Variants in SEMA3D observed in about 807,000 individuals in gnomAD.
The protein encoded by SEMA3D is semaphorin-3D.
In SEMA3D, 84 loss-of-function variants were observed where a neutral mutation model predicts 100.1. The ratio of observed to expected loss-of-function variants is 0.84; its 90% CI spans 0.70 to 1.01. The LOEUF (loss-of-function observed/expected upper bound fraction) is 1.01. Among genes scored for constraint, SEMA3D ranks in the 50% least tolerant of loss-of-function variants. SEMA3D has a pLI of 0.00. For missense variants in SEMA3D, 875 were observed against 934.1 expected (o/e 0.94, Z 0.82); for synonymous variants, 312 against 320.7 (o/e 0.97, Z 0.29).
intron 12 of SEMA3D, among the ~76,000 whole-genome samples, chr7:85,023,554 G>T (rs563035534): frequency 6.6e-6 from 1 of 151,968 alleles, no homozygotes; most frequent in South Asian, 2.1e-4. Flanking sequence ...AGAATAAAAT[G>T]ATTGACAGTA....
chr7:85,025,274 C>A (rs1790362089), intron 12 of SEMA3D, among the ~76,000 whole-genome samples: 1 of 151,936 alleles, frequency 6.6e-6, no homozygotes, highest in Non-Finnish European at 1.5e-5. Flanking sequence ...AGACAGTATT[C>A]TTCTCTTGTG....
intron 6 of SEMA3D, among the ~76,000 whole-genome samples, chr7:85,071,312 G>C (rs1001002273): frequency 3.9e-5 from 6 of 152,108 alleles, no homozygotes; most frequent in African/African-American, 1.4e-4. Context: ...AAATTTAACT[G>C]TCAGGGTTGC....
the SEMA3D span, among the ~76,000 whole-genome samples, chr7:85,233,353 T>TG: frequency 7.2e-5 from 11 of 152,196 alleles, no homozygotes; most frequent in Non-Finnish European, 1.6e-4. Flanking sequence ...CAAATGAAAC[T>TG]GGTTTCCAGT....
intron 1 of SEMA3D, among the ~76,000 whole-genome samples, chr7:85,160,897 A>G (rs550059270): frequency 5.3e-5 from 8 of 152,270 alleles, no homozygotes; most frequent in African/African-American, 1.9e-4. Context: ...CTAGGAGAAG[A>G]GGTTTATGAA....
At chr7:85,040,145 T>C (rs920403033) in intron 11 of SEMA3D, among the ~76,000 whole-genome samples, 1 of 151,796 alleles carries the variant, frequency 6.6e-6, no homozygotes, top group Admixed American at 6.6e-5. Flanking sequence ...CCCAGCTATT[T>C]TTTTATTTAC....
chr7:85,249,113 C>G, the SEMA3D span, among the ~76,000 whole-genome samples: 1 of 152,166 alleles, frequency 6.6e-6, no homozygotes, highest in Non-Finnish European at 1.5e-5. Flanking sequence ...TTCCTCTCAA[C>G]TTTGCTGTTA....
At position 85,068,213 on chromosome 7, in the gene SEMA3D, C is replaced by T. The variant is rs760626544; in HGVS notation, c.567G>A (p.Gln189=). ...GRLKCPFDPQ[Q]PFASVMTDEY... ...TACCTGTCATTACTGAAGCAAAAGG[C>T]TGCTGAGGATCGAAAGGACATTTCA... Residue 189 remains glutamine, a synonymous_variant, in exon 7 of 19, where the codon CAG becomes CAA. Transcript: ENST00000284136. The T allele has an allele frequency of 4.4e-6, 7 of 1,603,956 alleles. 1 individual carries two copies. In the South Asian group the frequency reaches 7.7e-5, roughly 18 times the overall value.
Position 84,996,822 on chromosome 7 carries a change from C to CAT in SEMA3D, c.*2616_*2617dup, listed in dbSNP as rs1789513925. 6.6e-6 allele frequency: 1 copy of CAT among 151,846 alleles called. No homozygotes were observed. The highest frequency in any genetic ancestry group is 6.6e-5 in the Admixed American group (1 of 15,254). 9.4% of individuals were successfully genotyped at this position (151,846 alleles called of 1,614,324 possible). On this transcript the variant is annotated 3_prime_UTR_variant, in exon 19 of 19. Transcript: ENST00000284136. ...AACCATTAACTATACTTTTCTTTTT[C>CAT]ATTATTTTAAGGCAAATTTGATAAA... is the stretch of plus-strand genomic sequence containing the variant.
the SEMA3D span, among the ~76,000 whole-genome samples, chr7:85,214,421 C>T: frequency 2.0e-5 from 3 of 152,112 alleles, no homozygotes; most frequent in East Asian, 1.9e-4. Context: ...ACATACGACA[C>T]CCAGAGAGAA....
the SEMA3D span, among the ~76,000 whole-genome samples, chr7:85,246,050 T>C: frequency 1.5e-3 from 229 of 152,244 alleles, no homozygotes; most frequent in African/African-American, 5.3e-3. Flanking sequence ...TGTTAATGAA[T>C]ATATTTATTA....
chr7:85,020,924 T>TACAACTTAATAC (rs1345042839), intron 13 of SEMA3D, among the ~76,000 whole-genome samples: 1 of 151,510 alleles, frequency 6.6e-6, no homozygotes, highest in African/African-American at 2.4e-5. Context: ...ACAAGGTTGA[T>TACAACTTAATAC]AATGCAAACC....
At chr7:85,127,790 C>G (rs964099493) in intron 2 of SEMA3D, among the ~76,000 whole-genome samples, 1 of 152,144 alleles carries the variant, frequency 6.6e-6, no homozygotes, top group Non-Finnish European at 1.5e-5. Flanking sequence ...GACCTTTCTT[C>G]AAATCAGATT....
chr7:85,223,557 T>C, the SEMA3D span, among the ~76,000 whole-genome samples: 72 of 152,118 alleles, frequency 4.7e-4, no homozygotes, highest in African/African-American at 1.5e-3. Context: ...TGTGTGTGTG[T>C]GTATACACCA....
At chr7:85,096,106 T>A (rs1005583259) in intron 4 of SEMA3D, among the ~76,000 whole-genome samples, 2 of 151,846 alleles carry the variant, frequency 1.3e-5, no homozygotes, top group African/African-American at 4.8e-5. Context: ...CCTTTTAAGC[T>A]ATGCAGCATC....
chr7:85,012,220 T>A (rs1562782158), intron 17 of SEMA3D, among the ~76,000 whole-genome samples: 1 of 151,802 alleles, frequency 6.6e-6, no homozygotes, highest in Non-Finnish European at 1.5e-5. Context: ...TTATGCCTTA[T>A]GACACTTCCC....
chr7:85,037,212 A>G (rs959769560), intron 11 of SEMA3D, among the ~76,000 whole-genome samples, 179 bp from the exon 12 acceptor site: 1 of 152,210 alleles, frequency 6.6e-6, no homozygotes, highest in African/African-American at 2.4e-5. Flanking sequence ...AATTCTAAAT[A>G]AAGTGTAATA....
At chr7:85,012,418 T>C (rs1789980380) in intron 17 of SEMA3D, among the ~76,000 whole-genome samples, 1 of 151,822 alleles carries the variant, frequency 6.6e-6, no homozygotes, top group African/African-American at 2.4e-5. Flanking sequence ...TTACCAGACT[T>C]CTGGGAGGTC....
intron 1 of SEMA3D, among the ~76,000 whole-genome samples, chr7:85,173,613 C>T (rs758222687): frequency 9.9e-5 from 15 of 152,036 alleles, no homozygotes; most frequent in Non-Finnish European, 1.3e-4. Context: ...AGTGGGAATT[C>T]GATCTATTGT....
At chr7:85,075,754 G>A (rs1441150170) in intron 5 of SEMA3D, among the ~76,000 whole-genome samples, 1 of 152,172 alleles carries the variant, frequency 6.6e-6, no homozygotes, top group Non-Finnish European at 1.5e-5. Flanking sequence ...GGCTGCCTGG[G>A]CAAAAGAAAT....
Sources: gnomAD v4.1 joint callset for allele counts (sites outside exome capture counted in the v4.1 genomes callset) on GRCh38, gnomAD v4.1.1 for gene constraint, MANE v1.5 for transcripts, NCBI Gene and HGNC (gene_info 2026-07-23, HGNC 2026-07-21) for gene names.